The following RRBP1 variants were observed in gnomAD, a reference collection of about 807,000 sequenced individuals.
The protein encoded by RRBP1 is ribosome binding protein 1, also known as ribosome-binding protein 1.
A neutral mutation model predicts 165.2 loss-of-function variants in RRBP1; 94 were observed. That is an observed-to-expected ratio of 0.57 (90% CI 0.48 to 0.68). RRBP1 has a LOEUF of 0.68. Among genes scored for constraint, RRBP1 ranks in the 30% least tolerant of loss-of-function variants. RRBP1 has a pLI of 0.00. For missense variants in RRBP1, 1,676 were observed against 1,763.0 expected (o/e 0.95, Z 0.88); for synonymous variants, 680 against 714.5 (o/e 0.95, Z 0.77).
At chr20:17,633,214 C>T (rs148438444) in intron 8 of RRBP1, among the ~76,000 whole-genome samples, 88 of 152,308 alleles carry the variant, frequency 5.8e-4, no homozygotes, top group African/African-American at 2.0e-3. Context: ...GCTGAGTTAA[C>T]GCTTGAAAAT....
chr20:17,618,966 T>A (rs961583396), intron 19 of RRBP1: 9 of 413,568 alleles, frequency 2.2e-5, no homozygotes, highest in African/African-American at 1.8e-4. Context: ...AGATGATTTT[T>A]TTTTTCAGAG....
rs756142641 is a variant in RRBP1 at position 17,620,353 on chromosome 20, C to T, written c.3525G>A (p.Lys1175=). ...GCTTCTCTACAATCTCTTCGAGATG[C>T]TTCACTGTGACCCGGGACTACAAAG... ...EELQKSRVTV[K]HLEEIVEKLK... The change falls in exon 18 of 25, where the codon AAG becomes AAA. Residue 1175 remains lysine (K), a synonymous_variant. Transcript: ENST00000377813. 6 of 1,613,848 alleles carry T rather than the reference C, an allele frequency of 3.7e-6. No homozygotes were observed. Among genetic ancestry groups the T allele is most frequent in the Admixed American group, 1.7e-5 (1 of 60,028 alleles).
intron 3 of RRBP1, among the ~76,000 whole-genome samples, chr20:17,653,189 C>T (rs947665300): frequency 2.4e-4 from 37 of 152,246 alleles, no homozygotes; most frequent in African/African-American, 7.9e-4. Flanking sequence ...GTGCCCAGCG[C>T]GCCCTCGGGC....
Position 17,652,025 on chromosome 20 carries a change from G to A in RRBP1, c.1912+6571C>T, listed in dbSNP as rs2036568104. Among the ~76,000 whole-genome samples the A allele has an allele frequency of 2.6e-5, 4 of 152,334 alleles. No homozygotes were observed. The South Asian group carries it at 6.2e-4, about 24-fold the overall frequency. On this transcript the variant is annotated intron_variant, in intron 3 of 24. Transcript: ENST00000377813. ...GGTAACAGGTAGGGCTAGGAAGACT[G>A]AAGAAGCACTTCAAGTCTCTGGTGG...
rs1196185660 is a variant in RRBP1 at position 17,658,812 on chromosome 20, G to A, written c.1696C>T (p.Gln566Ter). Residue 566 changes from glutamine to a stop codon, truncating the protein, a stop_gained, in exon 3 of 25, where the codon CAG (glutamine) becomes TAG (stop). Transcript: ENST00000377813. LOFTEE classifies it high-confidence loss of function. ...GGGGACCCTTCTGCTTTTTTCCCCT[G>A]GTTTGTAATACCCTCTACCTTTGTG... ...QGTKVEGITN[Q>*]GKKAEGSPSE... The A allele has an allele frequency of 1.9e-6, 3 of 1,613,878 alleles. No individual in the cohort carries two copies.
intron 2 of RRBP1, among the ~76,000 whole-genome samples, chr20:17,676,684 A>C (rs1487112335): frequency 6.6e-6 from 1 of 152,196 alleles, no homozygotes; most frequent in African/African-American, 2.4e-5. Context: ...GCTGCCACAC[A>C]AGAAAGTCAA....
At chr20:17,629,126 G>A (rs2036094370) in intron 9 of RRBP1, among the ~76,000 whole-genome samples, 1 of 152,262 alleles carries the variant, frequency 6.6e-6, no homozygotes, top group African/African-American at 2.4e-5. Flanking sequence ...CAGTCCCTGT[G>A]TAGAGGGCCC....
In RRBP1 at chr20:17,636,559, G is replaced by A. The variant is rs200627474; in HGVS notation, c.2337+18C>T. ...GGGTCCTGTCCCTTCCCATGCCCCC[G>A]CCAGCCACTACACCCACCTTGCCCT... On this transcript the variant is annotated intron_variant, in intron 6 of 24. Coordinates refer to ENST00000377813, the MANE Select transcript of RRBP1 (RefSeq NM_001365613.2). 1.7e-4 allele frequency: 275 copies of A among 1,606,102 alleles called. 1 individual carries two copies. Among genetic ancestry groups the A allele is most frequent in the South Asian group, 6.1e-4 (55 of 90,844 alleles).
chr20:17,625,592 G>A lies in RRBP1; in HGVS notation c.2974C>T (p.Leu992=). The A allele has an allele frequency of 6.2e-7, 1 of 1,613,806 alleles. No homozygotes were observed. The highest frequency in any genetic ancestry group is 8.5e-7 in the Non-Finnish European group (1 of 1,179,822). ...ADQQQTRLKE[L]ESQVSGLEKE... ...TCCAGACCCGACACCTGGGACTCCA[G>A]CTCCTTGAGGCTGAAGGGACACAAC... The change falls in exon 12 of 25, where the codon CTG becomes TTG. Residue 992 remains leucine (L), a synonymous_variant. Coordinates refer to ENST00000377813, the MANE Select transcript of RRBP1 (RefSeq NM_001365613.2).
At chr20:17,649,253 CCT>C (rs2036515845) in intron 3 of RRBP1, among the ~76,000 whole-genome samples, 1 of 152,186 alleles carries the variant, frequency 6.6e-6, no homozygotes. Flanking sequence ...TCCGTGTACA[CCT>C]CTCTGTGCAA....
chr20:17,621,086 C>T (rs1022770538), intron 16 of RRBP1, among the ~76,000 whole-genome samples: 2 of 152,184 alleles, frequency 1.3e-5, no homozygotes, highest in Non-Finnish European at 2.9e-5. Flanking sequence ...GCCACCAGCA[C>T]CAAGTGTGTC....
At chr20:17,628,055 C>T (rs2036067173) in intron 9 of RRBP1, among the ~76,000 whole-genome samples, 1 of 152,074 alleles carries the variant, frequency 6.6e-6, no homozygotes, top group South Asian at 2.1e-4. Context: ...GACCCCACTG[C>T]CACACCTCCC....
rs1224982284 is a variant in RRBP1, at chr20:17,618,649, G to C, written c.3706C>G (p.Gln1236Glu). ...LRQLLLESQSQLDAAKSEAQK... is the reference protein window; with the variant it reads ...LRQLLLESQSELDAAKSEAQK... The stretch of plus-strand genomic sequence containing the variant: ...GCTTCGCTCTTGGCGGCATCGAGCT[G>C]AGATTGAGATTCTAGGAGAAGTTGC... The change falls in exon 20 of 25, where the codon CAG becomes GAG. Residue 1236 changes from glutamine (Q) to glutamate (E), a missense_variant. Gln to Glu is a conservative substitution (Grantham distance 29, BLOSUM62 2). Coordinates refer to ENST00000377813, the MANE Select transcript of RRBP1 (RefSeq NM_001365613.2). 3 of 1,613,926 alleles carry C rather than the reference G, an allele frequency of 1.9e-6. No individual in the cohort carries two copies. The highest frequency in any genetic ancestry group is 2.5e-6 in the Non-Finnish European group (3 of 1,180,026).
In RRBP1 at chr20:17,619,618, G is replaced by C; in HGVS notation, c.3675+15C>G. Reference sequence around the variant, plus strand: ...CTGCTGGGCAGGGGCTGCACTCCTTGGGGGGCAGACTCACCCCTGCCACCT... The same window carrying C: ...CTGCTGGGCAGGGGCTGCACTCCTTCGGGGGCAGACTCACCCCTGCCACCT... On this transcript the variant is annotated intron_variant, in intron 19 of 24. Coordinates refer to ENST00000377813, the MANE Select transcript of RRBP1 (RefSeq NM_001365613.2). 1 of 1,593,950 alleles carries C rather than the reference G, an allele frequency of 6.3e-7. No homozygotes were observed. Among genetic ancestry groups the C allele is most frequent in the East Asian group, 2.2e-5 (1 of 44,560 alleles).
intron 20 of RRBP1, 123 bp downstream of exon 20, chr20:17,618,473 G>T (rs551291459): frequency 2.4e-6 from 2 of 822,284 alleles, no homozygotes; most frequent in Non-Finnish European, 4.1e-6. Flanking sequence ...TGCTCAACGG[G>T]TGACACTGTC....
chr20:17,641,902 G>T lies in RRBP1; in HGVS notation c.2079C>A (p.Asp693Glu). 6.2e-7 allele frequency: 1 copy of T among 1,613,952 alleles called. No homozygotes were observed. The highest frequency in any genetic ancestry group is 8.5e-7 in the Non-Finnish European group (1 of 1,179,872). ...GCTGGCGTTTCAGAATCGCCACAGG[G>T]TCACCCTTCTGAGTGGCCTAGAAAT... is the stretch of plus-strand genomic sequence containing the variant. ...DTWHKATQKG[D>E]PVAILKRQLE... Residue 693 changes from aspartate (D) to glutamate (E), a missense_variant, in exon 5 of 25, where the codon GAC (aspartate) becomes GAA (glutamate). Asp to Glu is a conservative substitution (Grantham distance 45). Transcript: ENST00000377813.
Position 17,643,210 on chromosome 20 carries a change from G to T in RRBP1, c.1913-83C>A. ...CCACAATGCCCATCACACCAAGAAG[G>T]TTCTGGTCACAGCCACGAAGAGCTC... On this transcript the variant is annotated intron_variant, in intron 3 of 24. Coordinates refer to ENST00000377813, the MANE Select transcript of RRBP1 (RefSeq NM_001365613.2). This position sits in a 1 kb window ranked among gnomAD's most constrained non-coding sequence, Gnocchi z 4.3. 6.9e-7 allele frequency: 1 copy of T among 1,455,036 alleles called. No individual in the cohort carries two copies. Among genetic ancestry groups the T allele is most frequent in the Non-Finnish European group, 9.4e-7 (1 of 1,068,368 alleles). The allele number at this position is 1,455,036 out of a possible 1,614,324, so 90.1% of individuals were successfully genotyped here. A position where few individuals can be genotyped will look rare whatever the true frequency, so the allele number is the denominator to read the frequency against.
At chr20:17,638,928 AG>A (rs1290193624) in intron 5 of RRBP1, among the ~76,000 whole-genome samples, 1 of 152,114 alleles carries the variant, frequency 6.6e-6, no homozygotes, top group Non-Finnish European at 1.5e-5. Context: ...GCCTGGTAAC[AG>A]GAACTCCTCC....
At position 17,615,982 on chromosome 20, in the gene RRBP1, C is replaced by T; in HGVS notation, c.3895G>A (p.Ala1299Thr). The T allele has an allele frequency of 6.2e-7, 1 of 1,608,304 alleles. No individual in the cohort carries two copies. Residue 1299 changes from alanine (A) to threonine (T), a missense_variant, in exon 22 of 25, where the codon GCC becomes ACC. Around this residue, in one of 5 missense-constraint regions of RRBP1, gnomAD observed 1,184 missense variants for 1,167.1 expected, o/e 1.01. Transcript: ENST00000377813. The stretch of plus-strand genomic sequence containing the variant: ...TGTGTCTGCTCATCCTCCAGGATGG[C>T]TTCTGTCCACTCCAGCTGCGTCTTC... ...QLKTQLEWTE[A>T]ILEDEQTQRQ... is the part of the protein sequence containing the mutation.
Sources: allele counts gnomAD v4.1 joint callset (sites outside exome capture counted in the v4.1 genomes callset), GRCh38; gene constraint gnomAD v4.1.1; regional missense constraint gnomAD v4.1.1; non-coding constraint Gnocchi (gnomAD v3.1); transcripts MANE v1.5; gene names NCBI Gene and HGNC (gene_info 2026-07-23, HGNC 2026-07-21).